Variants in CEP95 observed in about 807,000 individuals in gnomAD.
CEP95 encodes the protein centrosomal protein 95.
In CEP95, 98 loss-of-function variants were observed where a neutral mutation model predicts 111.2. The observed-to-expected ratio is 0.88, with a 90% CI of 0.75 to 1.04. The LOEUF (loss-of-function observed/expected upper bound fraction) is 1.04, where lower values mean the gene tolerates loss of function less well. Ranked by LOEUF, CEP95 falls within the 50% of genes least tolerant of loss-of-function variation. The probability of loss-of-function intolerance (pLI) is 0.00; values close to 1 mark genes in which losing one functional copy is unlikely to be tolerated. For missense variants in CEP95, 1,027 were observed against 977.2 expected (o/e 1.05, Z -0.68); for synonymous variants, 323 against 327.1 (o/e 0.99, Z 0.14).
upstream of CEP95, chr17:64,506,960 T>G (rs2038566343): frequency 2.2e-6 from 2 of 910,922 alleles, no homozygotes; most frequent in African/African-American, 3.3e-5. Flanking sequence ...TTAACGTCCG[T>G]CCTTCTTTCA....
At chr17:64,513,829 A>C (rs1240304723) in intron 3 of CEP95, among the ~76,000 whole-genome samples, 1 of 152,188 alleles carries the variant, frequency 6.6e-6, no homozygotes, top group South Asian at 2.1e-4. Context: ...ACCATTTAGA[A>C]TAGGATACCA....
rs782096116 is a variant in CEP95, at chr17:64,529,356, A to G, written c.1375A>G (p.Lys459Glu). The G allele has an allele frequency of 1.2e-6, 2 of 1,613,882 alleles. No individual in the cohort carries two copies. The highest frequency in any genetic ancestry group is 2.2e-5 in the South Asian group (2 of 91,058). ...SLSPSPVNKH[K>E]QFHLERKRQR... is the part of the protein sequence containing the mutation. Reference sequence around the variant, plus strand: ...CTCTCCATCTCCAGTTAACAAACACAAACAGTTCCACTTGGAGAGAAAAAG... The same window carrying G: ...CTCTCCATCTCCAGTTAACAAACACGAACAGTTCCACTTGGAGAGAAAAAG... Residue 459 changes from lysine to glutamate, a missense_variant, in exon 12 of 20, where the codon AAA (lysine) becomes GAA (glutamate). Transcript: ENST00000556440.
At chr17:64,534,992 G>A (rs1490306533) in intron 17 of CEP95, 2 of 438,982 alleles carry the variant, frequency 4.6e-6, no homozygotes, top group African/African-American at 2.0e-5. Context: ...CACATAACAG[G>A]TACTTCTCCA....
intron 3 of CEP95, 59 bp from the exon 4 acceptor site, chr17:64,514,189 T>G (rs1211098993): frequency 5.8e-6 from 4 of 692,838 alleles, no homozygotes; most frequent in Non-Finnish European, 2.5e-6. Flanking sequence ...AGTTTCAAGA[T>G]TATGAAGCTT....
Position 64,522,836 on chromosome 17 carries a change from C to G in CEP95, c.850C>G (p.His284Asp). The change falls in exon 8 of 20, where the codon CAT becomes GAT. Residue 284 changes from histidine (H) to aspartate (D), a missense_variant. His to Asp is a moderately conservative substitution (Grantham distance 81, BLOSUM62 -1). Coordinates refer to ENST00000556440, the MANE Select transcript of CEP95 (RefSeq NM_138363.3). ...CTGCCCCATAGGAAAAGAATACTTG[C>G]ATTCAAGTCACTGCTCCCCAGCCGT... Reference protein sequence around the residue: ...APCPIGKEYLHSSHCSPAVNS... With the variant: ...APCPIGKEYLDSSHCSPAVNS... 6.2e-7 allele frequency: 1 copy of G among 1,613,568 alleles called. No individual in the cohort carries two copies. The highest frequency in any genetic ancestry group is 8.5e-7 in the Non-Finnish European group (1 of 1,179,808).
chr17:64,530,773 G>A (rs868921050), intron 12 of CEP95, among the ~76,000 whole-genome samples, 153 bp from the exon 13 acceptor site: 2 of 152,120 alleles, frequency 1.3e-5, no homozygotes, highest in East Asian at 1.9e-4. Flanking sequence ...CTCACCGCAC[G>A]CGGCTAAGAG....
chr17:64,529,587 G>A (rs1257660722), intron 12 of CEP95, among the ~76,000 whole-genome samples, 160 bp downstream of exon 12: 1 of 152,094 alleles, frequency 6.6e-6, no homozygotes, highest in African/African-American at 2.4e-5. Flanking sequence ...TTATGTCTTT[G>A]TTAGCATAAA....
chr17:64,509,747 G>T (rs929663758), intron 2 of CEP95, among the ~76,000 whole-genome samples: 5 of 149,302 alleles, frequency 3.3e-5, no homozygotes, highest in Non-Finnish European at 6.0e-5. Flanking sequence ...TGCCTGCTGT[G>T]TTTTTTTTTT....
chr17:64,513,093 A>C (rs1555675490), intron 3 of CEP95, among the ~76,000 whole-genome samples: 1 of 152,202 alleles, frequency 6.6e-6, no homozygotes, highest in African/African-American at 2.4e-5. Context: ...GGATATACTT[A>C]GGTATTTTTA....
upstream of CEP95, chr17:64,506,765 C>T: frequency 2.0e-6 from 1 of 512,202 alleles, no homozygotes; most frequent in Non-Finnish European, 3.5e-6. Context: ...CGGAAGTGCG[C>T]TGCTCGCACC....
intron 2 of CEP95, among the ~76,000 whole-genome samples, chr17:64,508,986 G>C (rs782295036): frequency 6.6e-6 from 1 of 151,962 alleles, no homozygotes; most frequent in African/African-American, 2.4e-5. Flanking sequence ...TAACGGCCTT[G>C]AGCAGATCAG....
At chr17:64,532,132 A>AT (rs1968323543) in intron 14 of CEP95, 110 bp downstream of exon 14, 2 of 1,366,516 alleles carry the variant, frequency 1.5e-6, no homozygotes, top group Non-Finnish European at 9.5e-7. Context: ...AGCCGAAGAA[A>AT]GTTTTTTTTT....
chr17:64,510,658 TCTCAC>T (rs2038843823), intron 3 of CEP95, among the ~76,000 whole-genome samples: 1 of 152,200 alleles, frequency 6.6e-6, no homozygotes, highest in Non-Finnish European at 1.5e-5. Flanking sequence ...CAGGTGATCC[TCTCAC>T]CTCAGCCTCC....
Position 64,537,792 on chromosome 17 carries a change from T to A in CEP95, c.*13T>A, listed in dbSNP as rs1555681978. ...TCCCTCCCTATGAGGCCAGACTTGA[T>A]AATAGTAGGTGAAGGTTCTGGAGGC... is the stretch of plus-strand genomic sequence containing the variant. On this transcript the variant is annotated 3_prime_UTR_variant, in exon 20 of 20. Coordinates refer to ENST00000556440, the MANE Select transcript of CEP95 (RefSeq NM_138363.3). The A allele has an allele frequency of 6.5e-7, 1 of 1,538,138 alleles. No homozygotes were observed. The highest frequency in any genetic ancestry group is 2.3e-5 in the East Asian group (1 of 42,952).
At chr17:64,531,052 T>C in intron 13 of CEP95, 34 bp downstream of exon 13, 1 of 1,248,084 alleles carries the variant, frequency 8.0e-7, no homozygotes, top group Non-Finnish European at 1.1e-6. Flanking sequence ...TAAATGCCAT[T>C]TGATCAGATG....
At chr17:64,509,846 C>T (rs181896217) in intron 2 of CEP95, among the ~76,000 whole-genome samples, 188 of 151,910 alleles carry the variant, frequency 1.2e-3, no homozygotes, top group African/African-American at 4.4e-3. Context: ...ATTTAGGGAC[C>T]ACTTTATCTT....
intron 3 of CEP95, among the ~76,000 whole-genome samples, chr17:64,510,908 G>A (rs79978423): frequency 0.04 from 6,038 of 152,184 alleles, 247 homozygotes; most frequent in Admixed American, 0.13. Context: ...CTAAGCATCG[G>A]CAGGTTTGAG....
rs371452398 is a variant in CEP95 at position 64,516,770 on chromosome 17, G to T, written c.415G>T (p.Glu139Ter). 17 of 1,612,792 alleles carry T rather than the reference G, an allele frequency of 1.1e-5. No individual in the cohort carries two copies. The African/African-American group carries it at 1.6e-4, about 15-fold the overall frequency. ...AGAATCTGATCGAGGAGAACGTTTGGAAGAGCCAGAAAGTACTAAAGAATC... is the reference window on the plus strand; with the variant it reads ...AGAATCTGATCGAGGAGAACGTTTGTAAGAGCCAGAAAGTACTAAAGAATC... ...FKESDRGERLEEPESTKESKS... is the reference protein window; with the variant it reads ...FKESDRGERL The change falls in exon 5 of 20, where the codon GAA becomes TAA. Residue 139 changes from glutamate to a stop codon, truncating the protein, a stop_gained. Transcript: ENST00000556440. LOFTEE classifies it high-confidence loss of function.
At chr17:64,518,051 A>C in intron 5 of CEP95, among the ~76,000 whole-genome samples, 1 of 151,672 alleles carries the variant, frequency 6.6e-6, no homozygotes, top group Admixed American at 6.6e-5. Flanking sequence ...TAATTTTTGT[A>C]TCTTTAGTAA....
Sources: allele counts gnomAD v4.1 joint callset (sites outside exome capture counted in the v4.1 genomes callset), GRCh38; gene constraint gnomAD v4.1.1; transcripts MANE v1.5; gene names NCBI Gene and HGNC (gene_info 2026-07-23, HGNC 2026-07-21).